STPG2: variants seen among roughly 807,000 people sequenced by gnomAD.
The protein encoded by STPG2 is sperm-tail PG-rich repeat-containing protein 2.
In STPG2, 56 loss-of-function variants were observed where a neutral mutation model predicts 54.2. The ratio of observed to expected loss-of-function variants is 1.03; its 90% CI spans 0.83 to 1.29. STPG2 has a LOEUF of 1.29. STPG2 is among the 50% of genes most tolerant of loss of function. The pLI, the probability that STPG2 is intolerant of heterozygous loss-of-function variation, is 0.00. For synonymous variants in STPG2, 200 were observed against 181.8 expected (o/e 1.10, Z -0.81); for missense variants, 596 against 544.9 (o/e 1.09, Z -0.93).
chr4:97,627,233 G>T (rs943080790), intron 10 of STPG2, among the ~76,000 whole-genome samples: 1 of 152,026 alleles, frequency 6.6e-6, no homozygotes, highest in African/African-American at 2.4e-5. Context: ...GAGAATTTAA[G>T]AACATTTAAA....
At chr4:97,676,191 G>C (rs1490862002) in intron 10 of STPG2, among the ~76,000 whole-genome samples, 1 of 150,808 alleles carries the variant, frequency 6.6e-6, no homozygotes, top group Non-Finnish European at 1.5e-5. Context: ...TATGATTCGA[G>C]ACTATTCAGA....
intron 4 of STPG2, among the ~76,000 whole-genome samples, chr4:97,441,932 C>T (rs983181243): frequency 1.1e-4 from 16 of 151,942 alleles, no homozygotes; most frequent in African/African-American, 3.4e-4. Flanking sequence ...TAATTTAATA[C>T]ACTATTTTCT....
At chr4:97,992,234 A>G (rs1454797739) in intron 5 of STPG2, among the ~76,000 whole-genome samples, 5 of 152,100 alleles carry the variant, frequency 3.3e-5, no homozygotes, top group Non-Finnish European at 5.9e-5. Context: ...GGTTTCAAGT[A>G]TTAGATTTAA....
intron 8 of STPG2, among the ~76,000 whole-genome samples, chr4:97,866,993 G>A (rs1729811273): frequency 6.6e-6 from 1 of 151,876 alleles, no homozygotes; most frequent in Non-Finnish European, 1.5e-5. Flanking sequence ...CAACCTCTCA[G>A]TTAAACAAGT....
chr4:97,551,826 G>A lies in STPG2; in HGVS notation c.462+160873C>T, dbSNP rs111865966. ...TTAAGTATACAGACATTGATTCAGG[G>A]AAGCACTCAAGCTGGTACCTAGGAC... On this transcript the variant is annotated intron_variant, in intron 4 of 4. Coordinates refer to the STPG2 transcript ENST00000522676. Among the ~76,000 whole-genome samples, 836 of 152,266 alleles carry A rather than the reference G, an allele frequency of 5.5e-3. 7 individuals carry two copies. The highest frequency in any genetic ancestry group is 0.02 in the Middle Eastern group (6 of 294).
At chr4:97,872,637 G>A in intron 8 of STPG2, among the ~76,000 whole-genome samples, 1 of 151,300 alleles carries the variant, frequency 6.6e-6, no homozygotes, top group African/African-American at 2.4e-5. Flanking sequence ...AATATGGAAA[G>A]ATATCTTTAA....
At chr4:97,761,179 T>C (rs1053714782) in intron 9 of STPG2, among the ~76,000 whole-genome samples, 2 of 152,130 alleles carry the variant, frequency 1.3e-5, no homozygotes, top group African/African-American at 4.8e-5. Flanking sequence ...AAAAAATACC[T>C]TGAAATTCCA....
intron 4 of STPG2, among the ~76,000 whole-genome samples, chr4:97,548,361 C>A (rs762008585): frequency 6.6e-6 from 1 of 151,964 alleles, no homozygotes; most frequent in Non-Finnish European, 1.5e-5. Flanking sequence ...AAACAAAAAA[C>A]GAAACAAAAC....
chr4:97,804,488 C>A (rs1339551903), intron 9 of STPG2, among the ~76,000 whole-genome samples: 1 of 151,902 alleles, frequency 6.6e-6, no homozygotes, highest in African/African-American at 2.4e-5. Context: ...AAAAAGCTTA[C>A]AGAATAAGGA....
chr4:98,025,462 TA>T, intron 5 of STPG2: 1 of 498,330 alleles, frequency 2.0e-6, no homozygotes, highest in South Asian at 1.7e-5. Context: ...GAGGAAAGGG[TA>T]AAACTGAATA....
intron 8 of STPG2, among the ~76,000 whole-genome samples, chr4:97,887,538 ATGT>A (rs1730624968): frequency 6.6e-6 from 1 of 152,112 alleles, no homozygotes; most frequent in African/African-American, 2.4e-5. Context: ...AGTATTCAAG[ATGT>A]GGCCTGTCTG....
chr4:97,598,300 G>A (rs901382127), intron 10 of STPG2, among the ~76,000 whole-genome samples: 3 of 151,918 alleles, frequency 2.0e-5, no homozygotes, highest in African/African-American at 7.3e-5. Flanking sequence ...TTGTTAAAAC[G>A]ACAGTACTGC....
intron 10 of STPG2, among the ~76,000 whole-genome samples, chr4:97,709,044 A>T (rs1347023154): frequency 6.6e-6 from 1 of 151,758 alleles, no homozygotes; most frequent in Non-Finnish European, 1.5e-5. Context: ...TTTCATATTC[A>T]TGGGATGTTT....
chr4:97,507,670 G>C (rs1578350860), intron 4 of STPG2, among the ~76,000 whole-genome samples: 1 of 151,958 alleles, frequency 6.6e-6, no homozygotes, highest in South Asian at 2.1e-4. Context: ...ATTCACTCAG[G>C]CTTGATAAGG....
intron 10 of STPG2, among the ~76,000 whole-genome samples, chr4:97,685,029 T>C (rs1344420906): frequency 6.6e-6 from 1 of 152,000 alleles, no homozygotes. Context: ...AAAATACAAC[T>C]ACATACCTAT....
At chr4:98,095,922 A>C (rs945259587) in intron 5 of STPG2, among the ~76,000 whole-genome samples, 8 of 152,232 alleles carry the variant, frequency 5.3e-5, no homozygotes, top group African/African-American at 1.9e-4. Flanking sequence ...GTCCACAAAA[A>C]GTCTTTGAAA....
intron 8 of STPG2, among the ~76,000 whole-genome samples, chr4:97,860,835 T>C (rs1729507651): frequency 6.6e-6 from 1 of 152,184 alleles, no homozygotes; most frequent in Non-Finnish European, 1.5e-5. Context: ...GGTAAAAGTG[T>C]GAGTCCTTGT....
intron 5 of STPG2, among the ~76,000 whole-genome samples, chr4:98,036,280 A>G (rs4392515): frequency 0.39 from 59,867 of 151,872 alleles, 12,029 homozygotes; most frequent in Middle Eastern, 0.47. Context: ...ACAGAATACC[A>G]TTCAACCCAG....
intron 4 of STPG2, among the ~76,000 whole-genome samples, chr4:97,537,852 G>C (rs1285956573): frequency 6.6e-6 from 1 of 152,154 alleles, no homozygotes; most frequent in Non-Finnish European, 1.5e-5. Flanking sequence ...GAAACCTCCA[G>C]AGGAACGATC....
Sources: allele counts gnomAD v4.1 joint callset (sites outside exome capture counted in the v4.1 genomes callset), GRCh38; gene constraint gnomAD v4.1.1; transcripts MANE v1.5; gene names NCBI Gene and HGNC (gene_info 2026-07-23, HGNC 2026-07-21).